Variants in SMOC2 observed in about 807,000 individuals in gnomAD.
The protein encoded by SMOC2 is SPARC related modular calcium binding 2.
Under a neutral mutation model 61.4 loss-of-function variants are expected in SMOC2, and 39 were observed. The ratio of observed to expected loss-of-function variants is 0.64; its 90% confidence interval spans 0.49 to 0.83. The LOEUF is 0.83. SMOC2 is among the 40% of genes least tolerant of loss of function. SMOC2 has a pLI of 0.00. For synonymous variants in SMOC2, 247 were observed against 239.9 expected, an observed-to-expected ratio of 1.03 and a Z score of -0.27; for missense variants, 556 against 592.9, an observed-to-expected ratio of 0.94 and a Z score of 0.65.
intron 1 of SMOC2, among the ~76,000 whole-genome samples, chr6:168,460,734 G>C (rs1269694750): frequency 6.6e-6 from 1 of 152,188 alleles, no homozygotes; most frequent in African/African-American, 2.4e-5. Flanking sequence ...CATGATCTCT[G>C]TATCAACCCT....
intron 9 of SMOC2, among the ~76,000 whole-genome samples, chr6:168,626,676 A>G (rs1010480876): frequency 1.3e-5 from 2 of 152,242 alleles, no homozygotes; most frequent in African/African-American, 4.8e-5. Context: ...ATCATTTAGC[A>G]AAAGTGCGTG....
intron 7 of SMOC2, among the ~76,000 whole-genome samples, chr6:168,597,511 T>C (rs529117619): frequency 6.6e-6 from 1 of 152,356 alleles, no homozygotes; most frequent in South Asian, 2.1e-4. Context: ...TCCTTTCTGC[T>C]GGGCTGTGAT....
intron 9 of SMOC2, among the ~76,000 whole-genome samples, chr6:168,636,385 C>T (rs1786720564): frequency 6.6e-6 from 1 of 152,234 alleles, no homozygotes. Context: ...ACAATGTGAA[C>T]ACTTGCAATC....
At chr6:168,646,765 G>A (rs1220353219) in intron 9 of SMOC2, among the ~76,000 whole-genome samples, 1 of 152,212 alleles carries the variant, frequency 6.6e-6, no homozygotes, top group African/African-American at 2.4e-5. Flanking sequence ...TCAGGGCTTT[G>A]TAAGGTGCAG....
chr6:168,665,165 C>A, intron 12 of SMOC2: 1 of 218,100 alleles, frequency 4.6e-6, no homozygotes, highest in South Asian at 6.5e-5. Flanking sequence ...TTTTCATTCC[C>A]GAATGGCAAT....
At chr6:168,650,334 C>T (rs546781204) in intron 9 of SMOC2, among the ~76,000 whole-genome samples, 52 of 152,278 alleles carry the variant, frequency 3.4e-4, no homozygotes, top group African/African-American at 9.1e-4. Context: ...GTGCTCTCAG[C>T]GTGCACTCCG....
At chr6:168,620,068 AC>A (rs1292622903) in intron 9 of SMOC2, among the ~76,000 whole-genome samples, 2 of 152,178 alleles carry the variant, frequency 1.3e-5, no homozygotes, top group Non-Finnish European at 2.9e-5. Context: ...CATGAAACAC[AC>A]AGCCCTACCT....
chr6:168,601,337 G>A (rs1434448309), intron 8 of SMOC2, among the ~76,000 whole-genome samples: 1 of 152,174 alleles, frequency 6.6e-6, no homozygotes, highest in African/African-American at 2.4e-5. Flanking sequence ...CTGGCTGACC[G>A]CCTGCTCTCG....
At chr6:168,577,295 C>G (rs1377764411) in intron 7 of SMOC2, among the ~76,000 whole-genome samples, 1 of 151,642 alleles carries the variant, frequency 6.6e-6, no homozygotes, top group African/African-American at 2.4e-5. Context: ...TCCGTCTAAA[C>G]GCGCTCTCTC....
chr6:168,598,772 G>A, intron 7 of SMOC2, 46 bp from the exon 8 acceptor site: 2 of 1,601,146 alleles, frequency 1.2e-6, no homozygotes, highest in Non-Finnish European at 1.7e-6. Context: ...CATGTGGGAC[G>A]ACGTCGCTGG....
intron 9 of SMOC2, among the ~76,000 whole-genome samples, chr6:168,621,888 GT>G (rs1294185674): frequency 6.6e-6 from 1 of 152,136 alleles, no homozygotes; most frequent in African/African-American, 2.4e-5. Context: ...CACTCATTGC[GT>G]TACACAGGGG....
At chr6:168,584,539 T>TA (rs59318923) in intron 7 of SMOC2, among the ~76,000 whole-genome samples, 115 of 145,172 alleles carry the variant, frequency 7.9e-4, no homozygotes, top group Non-Finnish European at 1.1e-3. Flanking sequence ...CAGGTCCTCT[T>TA]AAAAAAAAAA....
At chr6:168,558,057 G>A (rs1186324054) in intron 7 of SMOC2, among the ~76,000 whole-genome samples, 1 of 152,158 alleles carries the variant, frequency 6.6e-6, no homozygotes, top group Non-Finnish European at 1.5e-5. Context: ...ACCTGTGAAT[G>A]CTCCCTCTCC....
intron 7 of SMOC2, among the ~76,000 whole-genome samples, chr6:168,592,304 C>T (rs13217192): frequency 0.15 from 16,347 of 110,356 alleles, 1,927 homozygotes; most frequent in South Asian, 0.22. Context: ...TCCTCCTCCT[C>T]CCTGAGGCCT....
chr6:168,481,518 A>G (rs1167208954), intron 1 of SMOC2, among the ~76,000 whole-genome samples: 1 of 152,076 alleles, frequency 6.6e-6, no homozygotes, highest in Non-Finnish European at 1.5e-5. Flanking sequence ...TATAGAGTAT[A>G]TATGAAAGGA....
intron 1 of SMOC2, among the ~76,000 whole-genome samples, chr6:168,471,561 A>T (rs1322826290): frequency 6.6e-6 from 1 of 152,204 alleles, no homozygotes; most frequent in Non-Finnish European, 1.5e-5. Context: ...GTTCTCACGG[A>T]TATATACATG....
chr6:168,645,773 G>T (rs571656511), intron 9 of SMOC2, among the ~76,000 whole-genome samples: 2 of 152,250 alleles, frequency 1.3e-5, no homozygotes, highest in East Asian at 1.9e-4. Flanking sequence ...AATGGGAGAC[G>T]AGGACAGTCT....
At chr6:168,655,346 A>C in intron 11 of SMOC2, 1 of 455,048 alleles carries the variant, frequency 2.2e-6, no homozygotes, top group Non-Finnish European at 4.4e-6. Flanking sequence ...AGCAGTTTTA[A>C]CAATTGAAAA....
At chr6:168,658,524 G>A (rs1287023683) in intron 11 of SMOC2, among the ~76,000 whole-genome samples, 1 of 152,006 alleles carries the variant, frequency 6.6e-6, no homozygotes, top group East Asian at 1.9e-4. Flanking sequence ...GCCACGCATG[G>A]CTTCTGCCCT....
Sources: gnomAD v4.1 joint callset for allele counts (sites outside exome capture counted in the v4.1 genomes callset) on GRCh38, gnomAD v4.1.1 for gene constraint, MANE v1.5 for transcripts, NCBI Gene and HGNC (gene_info 2026-07-23, HGNC 2026-07-21) for gene names.